Variants in KIF21B observed in about 807,000 individuals in gnomAD.
The protein encoded by KIF21B is kinesin family member 21B.
KIF21B carries 85 observed loss-of-function variants against 192.9 expected under a neutral mutation model. The observed-to-expected ratio is 0.44, with a 90% confidence interval of 0.37 to 0.53. The LOEUF is 0.53. Among genes scored for constraint, KIF21B ranks in the 20% least tolerant of loss-of-function variants. The probability of loss-of-function intolerance (pLI) is 0.00; values close to 1 mark genes in which losing one functional copy is unlikely to be tolerated. For synonymous variants in KIF21B, 832 were observed against 884.6 expected (o/e 0.94, Z 1.05); for missense variants, 1,716 against 2,194.8 (o/e 0.78, Z 4.36).
Position 200,972,970 on chromosome 1 carries a change from C to T in KIF21B, c.*551G>A, listed in dbSNP as rs1394150212. 6.5e-6 allele frequency: 1 copy of T among 153,148 alleles called. No homozygotes were observed. Among genetic ancestry groups the T allele is most frequent in the Non-Finnish European group, 1.5e-5 (1 of 68,400 alleles). The allele number at this position is 153,148 out of a possible 1,614,324, so 9.5% of individuals were successfully genotyped here. A position where few individuals can be genotyped will look rare whatever the true frequency, so the allele number is the denominator to read the frequency against. On this transcript the variant is annotated 3_prime_UTR_variant, in exon 35 of 35. Transcript: ENST00000461742. The stretch of plus-strand genomic sequence containing the variant: ...AGGGACCCCAGGGAACTGTTGGGGC[C>T]AGTTGGGGCTATCTGCGGGTTGCCA...
In KIF21B at chr1:201,000,450, C is replaced by A. The variant is rs1471463401; in HGVS notation, c.1625G>T (p.Arg542Leu). The change falls in exon 11 of 35, where the codon CGC becomes CTC. Residue 542 changes from arginine to leucine, a missense_variant. Physicochemically the swap from Arg to Leu is moderately radical, Grantham distance 102. Coordinates refer to ENST00000461742, the MANE Select transcript of KIF21B (RefSeq NM_001252102.2). The surrounding 1 kb of genome is among the most constrained non-coding windows in gnomAD (Gnocchi z 6.0). ...CCGCTCCAGGTCCTGCTTGGCCCTG[C>A]GGATCACCTCCGAGGCATCCTCCAT... ...SSMEDASEVI[R>L]RAKQDLERLK... 6.3e-7 allele frequency: 1 copy of A among 1,580,258 alleles called. No individual in the cohort carries two copies. The highest frequency in any genetic ancestry group is 1.9e-5 in the Admixed American group (1 of 51,888).
In KIF21B at chr1:200,990,363, A is replaced by T. The variant is rs1656605936; in HGVS notation, c.2836-31T>A. On this transcript the variant is annotated intron_variant, in intron 19 of 34. Transcript: ENST00000461742. This position sits in a 1 kb window ranked among gnomAD's most constrained non-coding sequence, Gnocchi z 5.4. ...GTCAGAGGGGAGGGTGGTGATTGTG[A>T]TGAAGGAGAGGCCTCAGGTAGCTGC... The T allele has an allele frequency of 1.3e-6, 2 of 1,573,630 alleles. No individual in the cohort carries two copies. Among genetic ancestry groups the T allele is most frequent in the Non-Finnish European group, 1.7e-6 (2 of 1,160,400 alleles).
intron 17 of KIF21B, 94 bp downstream of exon 17, chr1:200,991,563 G>A: frequency 3.1e-6 from 4 of 1,285,706 alleles, no homozygotes; most frequent in South Asian, 1.2e-5. Flanking sequence ...CCGCCAGGAA[G>A]TTGGAGGCCC....
rs993894626 is a variant in KIF21B at position 200,973,331 on chromosome 1, C to T, written c.*190G>A. 5 of 607,502 alleles carry T rather than the reference C, an allele frequency of 8.2e-6. No individual in the cohort carries two copies. In the African/African-American group the frequency reaches 9.7e-5, roughly 12 times the overall value. The allele number at this position is 607,502 out of a possible 1,614,324, so 37.6% of individuals were successfully genotyped here. ...CAGCCTCTCTCTCACCCAGAGGCTC[C>T]TGAGAGGCAGGGGAGGGATGAGGGA... On this transcript the variant is annotated 3_prime_UTR_variant, in exon 35 of 35. Transcript: ENST00000461742.
rs1657444404 is a variant in KIF21B at position 201,000,783 on chromosome 1, G to A, written c.1403-3C>T. On this transcript the variant is annotated splice_region_variant and splice_polypyrimidine_tract_variant and intron_variant, in intron 9 of 34. Transcript: ENST00000461742. The surrounding 1 kb of genome is among the most constrained non-coding windows in gnomAD (Gnocchi z 6.0). ...ACCAATGGCCTCATTGCCATCGCCT[G>A]GAGTGGGACGGCGGGAAGAAGGGTG... is the stretch of plus-strand genomic sequence containing the variant. The A allele has an allele frequency of 3.1e-6, 5 of 1,614,156 alleles. No individual in the cohort carries two copies. Among genetic ancestry groups the A allele is most frequent in the Non-Finnish European group, 4.2e-6 (5 of 1,179,992 alleles).
At chr1:200,991,226 G>A (rs1394051497) in intron 17 of KIF21B, 77 bp from the exon 18 acceptor site, 1 of 1,195,270 alleles carries the variant, frequency 8.4e-7, no homozygotes, top group African/African-American at 1.5e-5. Flanking sequence ...AGGTTGGGGT[G>A]CCGGGCAGCA....
At position 200,999,871 on chromosome 1, in the gene KIF21B, C is replaced by T. The variant is rs1219150543; in HGVS notation, c.1767+12G>A. The T allele has an allele frequency of 5.0e-6, 8 of 1,613,030 alleles. No individual in the cohort carries two copies. The highest frequency in any genetic ancestry group is 2.2e-5 in the South Asian group (2 of 91,080). On this transcript the variant is annotated intron_variant, in intron 12 of 34. Coordinates refer to ENST00000461742, the MANE Select transcript of KIF21B (RefSeq NM_001252102.2). The surrounding 1 kb of genome is among the most constrained non-coding windows in gnomAD (Gnocchi z 4.7). ...ATGCATGTGGTGAGGTGGGGCGGCC[C>T]GTGCTCCTCACCTCCTCCGCCTCGT...
intron 17 of KIF21B, 56 bp downstream of exon 17, chr1:200,991,601 G>T: frequency 6.5e-7 from 1 of 1,531,274 alleles, no homozygotes; most frequent in South Asian, 1.1e-5. Context: ...ATGCACACAT[G>T]CACGCACACA....
rs1174295211 is a variant in KIF21B at position 201,001,099 on chromosome 1, C to T, written c.1403-319G>A. On this transcript the variant is annotated intron_variant, in intron 9 of 34. Coordinates refer to ENST00000461742, the MANE Select transcript of KIF21B (RefSeq NM_001252102.2). ...TCCAGCCTGGGCAACAAGAGCGAAA[C>T]TCCGTCTCAGAAAAAAAAAAAAAAA... 9.3e-5 allele frequency among the ~76,000 whole-genome samples: 13 copies of T among 139,316 alleles called. No homozygotes were observed. In the East Asian group the frequency reaches 2.4e-3, roughly 26 times the overall value. 91.4% of individuals were successfully genotyped at this position (139,316 alleles called of 152,430 possible).
intron 8 of KIF21B, chr1:201,003,327 G>A (rs1320136670): frequency 1.1e-5 from 6 of 547,188 alleles, no homozygotes; most frequent in African/African-American, 7.6e-5. Context: ...AACAAAAGCT[G>A]GGGAGCCCTT....
chr1:200,981,590 C>G (rs1413815613), intron 28 of KIF21B, among the ~76,000 whole-genome samples: 1 of 152,168 alleles, frequency 6.6e-6, no homozygotes, highest in Non-Finnish European at 1.5e-5. Context: ...CCCCATGCAC[C>G]CTGATCCCAG....
intron 29 of KIF21B, among the ~76,000 whole-genome samples, chr1:200,980,681 G>T (rs931219281): frequency 6.6e-5 from 10 of 152,372 alleles, no homozygotes; most frequent in African/African-American, 2.4e-4. Context: ...TGCAAGTACA[G>T]GTGGGGCACC....
intron 22 of KIF21B, 77 bp downstream of exon 22, chr1:200,988,689 A>T (rs1160646261): frequency 1.9e-6 from 3 of 1,539,726 alleles, no homozygotes; most frequent in Admixed American, 1.9e-5. Context: ...TGGGGAAGTG[A>T]GGGCCTTGTG....
At position 201,000,343 on chromosome 1, in the gene KIF21B, T is replaced by TG. The variant is rs768482021; in HGVS notation, c.1685+46dup. On this transcript the variant is annotated intron_variant, in intron 11 of 34. Coordinates refer to ENST00000461742, the MANE Select transcript of KIF21B (RefSeq NM_001252102.2). This position sits in a 1 kb window ranked among gnomAD's most constrained non-coding sequence, Gnocchi z 6.0. ...CTCCTTGGGGACGGGCAGGGTCCAC[T>TG]GGGGCGGTCTGAGGGCTCTCAGGGG... 147 of 1,506,618 alleles carry TG rather than the reference T, an allele frequency of 9.8e-5. 2 individuals carry two copies. In the South Asian group the frequency reaches 1.7e-3, roughly 18 times the overall value. 93.3% of individuals were successfully genotyped at this position (1,506,618 alleles called of 1,614,324 possible).
intron 24 of KIF21B, 96 bp from the exon 25 acceptor site, chr1:200,987,297 T>G: frequency 8.9e-7 from 1 of 1,125,538 alleles, no homozygotes; most frequent in South Asian, 1.5e-5. Context: ...TTTGAGACAG[T>G]GGTGCAAACA....
At chr1:200,992,177 A>C (rs978249688) in intron 16 of KIF21B, 105 bp downstream of exon 16, 7 of 884,544 alleles carry the variant, frequency 7.9e-6, no homozygotes, top group African/African-American at 1.6e-5. Flanking sequence ...CACTTAGGAC[A>C]GTGGAGACTG....
intron 34 of KIF21B, 128 bp downstream of exon 34, chr1:200,974,586 A>G (rs1655419599): frequency 1.1e-6 from 1 of 941,214 alleles, no homozygotes; most frequent in Non-Finnish European, 1.6e-6. Context: ...AAAGGAGGCC[A>G]CCATGGAATC....
chr1:201,004,540 C>T (rs1558020556), intron 6 of KIF21B, 85 bp from the exon 7 acceptor site: 2 of 1,265,314 alleles, frequency 1.6e-6, no homozygotes, highest in Admixed American at 2.0e-5. Context: ...CCCATCTGTA[C>T]CTGCCTCTTT....
chr1:200,977,016 G>A (rs909986045), intron 31 of KIF21B, 123 bp from the exon 32 acceptor site: 5 of 968,250 alleles, frequency 5.2e-6, no homozygotes, highest in African/African-American at 3.2e-5. Context: ...CTCGCTCAAG[G>A]CAAGATCAAG....
Sources: gnomAD v4.1 joint callset for allele counts (sites outside exome capture counted in the v4.1 genomes callset) on GRCh38, gnomAD v4.1.1 for gene constraint, Gnocchi (gnomAD v3.1) non-coding constraint, MANE v1.5 for transcripts, NCBI Gene and HGNC (gene_info 2026-07-23, HGNC 2026-07-21) for gene names.